ELMO2: variants seen among roughly 807,000 people sequenced by gnomAD.
The protein encoded by ELMO2 is engulfment and cell motility protein 2.
A neutral mutation model predicts 96.2 loss-of-function variants in ELMO2; 37 were observed. The ratio of observed to expected loss-of-function variants is 0.38; its 90% CI spans 0.30 to 0.51. The LOEUF is 0.51. Ranked by LOEUF, ELMO2 falls within the 20% of genes least tolerant of loss-of-function variation. ELMO2 has a pLI of 0.88. For synonymous variants in ELMO2, 315 were observed against 329.4 expected (o/e 0.96, Z 0.47); for missense variants, 561 against 912.6 (o/e 0.61, Z 4.96).
intron 5 of ELMO2, 84 bp from the exon 6 acceptor site, chr20:46,393,227 TG>T (rs2060183690): frequency 1.4e-6 from 2 of 1,401,246 alleles, no homozygotes; most frequent in African/African-American, 2.8e-5. Context: ...AATAATGTTT[TG>T]TCTTTTTTAC....
chr20:46,400,851 C>A (rs1159710913), intron 1 of ELMO2, among the ~76,000 whole-genome samples: 1 of 152,198 alleles, frequency 6.6e-6, no homozygotes, highest in East Asian at 1.9e-4. Context: ...CCCCATGGAG[C>A]TTTATCAATC....
At chr20:46,367,868 C>G (rs1427724614) in intron 21 of ELMO2, among the ~76,000 whole-genome samples, 1 of 152,034 alleles carries the variant, frequency 6.6e-6, no homozygotes, top group African/African-American at 2.4e-5. Flanking sequence ...TGAAGTTACC[C>G]AAAATCAGAA....
chr20:46,369,651 A>G (rs1458309267), intron 20 of ELMO2: 1 of 154,126 alleles, frequency 6.5e-6, no homozygotes, highest in East Asian at 1.9e-4. Context: ...ACCAGACGTT[A>G]TGTGCCTCTT....
At chr20:46,373,184 G>T in intron 16 of ELMO2, 1 of 574,664 alleles carries the variant, frequency 1.7e-6, no homozygotes, top group African/African-American at 1.9e-5. Context: ...GGACAAATGA[G>T]GGCCTACGGC....
chr20:46,375,137 G>A lies in ELMO2; in HGVS notation c.1065+99C>T. Reference sequence around the variant, plus strand: ...CTTCCTAACTGTCATCTATTCCAGGGCCACCATGGGGTTGGTTGTCAGAGC... The same window carrying A: ...CTTCCTAACTGTCATCTATTCCAGGACCACCATGGGGTTGGTTGTCAGAGC... On this transcript the variant is annotated intron_variant, in intron 13 of 21. Transcript: ENST00000290246. This position sits in a 1 kb window ranked among gnomAD's most constrained non-coding sequence, Gnocchi z 4.6. 2 of 1,466,986 alleles carry A rather than the reference G, an allele frequency of 1.4e-6. No individual in the cohort carries two copies. The highest frequency in any genetic ancestry group is 1.8e-6 in the Non-Finnish European group (2 of 1,092,262). 90.9% of individuals were successfully genotyped at this position (1,466,986 alleles called of 1,614,324 possible).
chr20:46,378,996 C>T (rs1026249321), intron 11 of ELMO2, among the ~76,000 whole-genome samples: 1 of 152,018 alleles, frequency 6.6e-6, no homozygotes, highest in Non-Finnish European at 1.5e-5. Context: ...GATAAAGTTG[C>T]CTCCTTTTTT....
chr20:46,384,754 T>C (rs2060012162), intron 9 of ELMO2, among the ~76,000 whole-genome samples: 1 of 151,080 alleles, frequency 6.6e-6, no homozygotes, highest in Admixed American at 6.6e-5. Flanking sequence ...AGCCCAACAG[T>C]TTGAGACCAG....
chr20:46,381,531 A>C (rs2059956139), intron 10 of ELMO2, among the ~76,000 whole-genome samples: 1 of 152,218 alleles, frequency 6.6e-6, no homozygotes, highest in Admixed American at 6.5e-5. Flanking sequence ...CTGAATACAT[A>C]CTGGCTAGCA....
intron 10 of ELMO2, chr20:46,382,123 G>T (rs2059967040): frequency 5.0e-6 from 6 of 1,205,558 alleles, no homozygotes; most frequent in Non-Finnish European, 6.6e-6. Flanking sequence ...TGAACATCTA[G>T]ATCAGACCAT....
In ELMO2 at chr20:46,367,137, G is replaced by A. The variant is rs2059599117; in HGVS notation, c.*223C>T. On this transcript the variant is annotated 3_prime_UTR_variant, in exon 22 of 22. Transcript: ENST00000290246. ...CTCGTGGCCCAATCCCAGGCTTCAT[G>A]GTGATGGAGTGGGCAGAGCACCCTG... The A allele has an allele frequency of 4.9e-6, 2 of 411,298 alleles. No individual in the cohort carries two copies. The highest frequency in any genetic ancestry group is 8.5e-6 in the Non-Finnish European group (2 of 234,424). 25.5% of individuals were successfully genotyped at this position (411,298 alleles called of 1,614,324 possible). A position where few individuals can be genotyped will look rare whatever the true frequency, so the allele number is the denominator to read the frequency against.
At chr20:46,369,964 GT>G (rs869258021) in intron 20 of ELMO2, 436 of 5,438 alleles carry the variant, frequency 0.08, 1 homozygote, top group Admixed American at 0.095. Context: ...GTATGGGGGT[GT>G]GTGTGTGTGT....
chr20:46,383,871 T>C (rs1316289556), intron 9 of ELMO2, among the ~76,000 whole-genome samples: 6 of 152,156 alleles, frequency 3.9e-5, no homozygotes. Flanking sequence ...GAGCTTAGAG[T>C]ATTTGTGAAC....
Position 46,393,615 on chromosome 20 carries a change from A to G in ELMO2, c.120-14T>C. ...GGCAACGACCACCTATGCAAGAGAAAAACAGTATATCCCACTTGGCCACTC... is the reference window on the plus strand; with the variant it reads ...GGCAACGACCACCTATGCAAGAGAAGAACAGTATATCCCACTTGGCCACTC... On this transcript the variant is annotated splice_polypyrimidine_tract_variant and intron_variant, in intron 4 of 21. Transcript: ENST00000290246. The G allele has an allele frequency of 6.2e-7, 1 of 1,612,980 alleles. No individual in the cohort carries two copies. The highest frequency in any genetic ancestry group is 1.3e-5 in the African/African-American group (1 of 75,006).
At chr20:46,401,415 T>G (rs1008545345) in intron 1 of ELMO2, among the ~76,000 whole-genome samples, 1 of 152,108 alleles carries the variant, frequency 6.6e-6, no homozygotes, top group Non-Finnish European at 1.5e-5. Context: ...TCACACATGG[T>G]AAAAAGCCAC....
intron 2 of ELMO2, among the ~76,000 whole-genome samples, chr20:46,398,487 A>G (rs2060284485): frequency 6.6e-6 from 1 of 151,922 alleles, no homozygotes; most frequent in Non-Finnish European, 1.5e-5. Context: ...TAATTTTTGT[A>G]TTTTTAGTAG....
At chr20:46,389,261 G>A in intron 6 of ELMO2, 41 bp from the exon 7 acceptor site, 3 of 1,596,762 alleles carry the variant, frequency 1.9e-6, no homozygotes, top group South Asian at 2.3e-5. Context: ...CTGCTCCTTG[G>A]AGCAGGTTAC....
chr20:46,405,255 C>T (rs185808020), intron 1 of ELMO2, among the ~76,000 whole-genome samples: 6 of 152,216 alleles, frequency 3.9e-5, no homozygotes, highest in African/African-American at 1.2e-4. Context: ...GGGTACTGGT[C>T]GAAAAGTCAG....
intron 1 of ELMO2, among the ~76,000 whole-genome samples, chr20:46,404,157 ATG>A (rs1006429442): frequency 2.6e-5 from 4 of 152,150 alleles, no homozygotes; most frequent in Non-Finnish European, 5.9e-5. Flanking sequence ...GCTGCATGGT[ATG>A]TGTTTTTTTC....
Position 46,387,350 on chromosome 20 carries a change from G to A in ELMO2, c.513C>T (p.Thr171=), listed in dbSNP as rs138606743. ...TTGGAGGCCTCACCTGCTTAATAAA[G>A]GTGATTGAAACCATGTCCCAGGAGA... is the stretch of plus-strand genomic sequence containing the variant. The part of the protein sequence containing the change: ...GIVSWDMVSI[T]FIKQIAGYVS... The change falls in exon 8 of 22, where the codon ACC becomes ACT. Residue 171 remains threonine (T), a synonymous_variant. Coordinates refer to ENST00000290246, the MANE Select transcript of ELMO2 (RefSeq NM_133171.5). 2.1e-4 allele frequency: 344 copies of A among 1,613,828 alleles called. 5 individuals carry two copies. Among genetic ancestry groups the A allele is most frequent in the Non-Finnish European group, 1.4e-5 (17 of 1,179,944 alleles).
Sources: allele counts gnomAD v4.1 joint callset (sites outside exome capture counted in the v4.1 genomes callset), GRCh38; gene constraint gnomAD v4.1.1; non-coding constraint Gnocchi (gnomAD v3.1); transcripts MANE v1.5; gene names NCBI Gene and HGNC (gene_info 2026-07-23, HGNC 2026-07-21).